TMEM74: variants seen among roughly 807,000 people sequenced by gnomAD.
TMEM74 encodes the protein transmembrane protein 74.
Under a neutral mutation model 18.1 loss-of-function variants are expected in TMEM74, and 13 were observed. The observed-to-expected ratio is 0.72, with a 90% CI of 0.47 to 1.14. The LOEUF (loss-of-function observed/expected upper bound fraction) is 1.14, where lower values mean the gene tolerates loss of function less well. Among genes scored for constraint, TMEM74 ranks in the 50% most tolerant of loss-of-function variants. The probability of loss-of-function intolerance (pLI) is 0.00; values close to 1 mark genes in which losing one functional copy is unlikely to be tolerated. For synonymous variants in TMEM74, 159 were observed against 146.6 expected, an observed-to-expected ratio of 1.08 and a Z score of -0.61; for missense variants, 372 against 375.9, an observed-to-expected ratio of 0.99 and a Z score of 0.09.
intron 1 of TMEM74, among the ~76,000 whole-genome samples, chr8:108,678,706 T>TA (rs1813081060): frequency 6.6e-6 from 1 of 151,070 alleles, no homozygotes; most frequent in Admixed American, 6.6e-5. Context: ...TTTATTGCTT[T>TA]ATAAGATTTA....
At chr8:108,683,324 AAAAAT>A in intron 1 of TMEM74, among the ~76,000 whole-genome samples, 1 of 151,804 alleles carries the variant, frequency 6.6e-6, no homozygotes, top group South Asian at 2.1e-4. Context: ...AAATAAAAGA[AAAAAT>A]AAGAGGAAAC....
intron 1 of TMEM74, among the ~76,000 whole-genome samples, chr8:108,722,486 G>A (rs949600899): frequency 6.6e-6 from 1 of 152,196 alleles, no homozygotes; most frequent in African/African-American, 2.4e-5. Flanking sequence ...AATGGAAAGA[G>A]CGTAGGCTTA....
chr8:108,653,138 C>G (rs150664087), intron 2 of TMEM74: 2 of 163,230 alleles, frequency 1.2e-5, no homozygotes, highest in African/African-American at 4.8e-5. Flanking sequence ...GGACAGCCCA[C>G]TTGTCTGTCA....
intron 1 of TMEM74, among the ~76,000 whole-genome samples, chr8:108,713,589 T>C (rs1387220685): frequency 2.6e-5 from 4 of 152,124 alleles, no homozygotes; most frequent in Admixed American, 6.5e-5. Flanking sequence ...ATTCACAAAA[T>C]ACACATTAAA....
intron 1 of TMEM74, among the ~76,000 whole-genome samples, chr8:108,756,015 A>G (rs186027082): frequency 1.3e-5 from 2 of 152,156 alleles, no homozygotes; most frequent in East Asian, 3.9e-4. Flanking sequence ...TTTTAATCAC[A>G]TGCAAGCATC....
chr8:108,711,127 T>C (rs7007167), intron 1 of TMEM74, among the ~76,000 whole-genome samples: 3,637 of 152,302 alleles, frequency 0.024, 150 homozygotes, highest in African/African-American at 0.082. Flanking sequence ...TACTCTATGC[T>C]GGAAGTTGAG....
chr8:108,621,585 G>A (rs1208642935), intron 2 of TMEM74, among the ~76,000 whole-genome samples: 1 of 152,122 alleles, frequency 6.6e-6, no homozygotes, highest in African/African-American at 2.4e-5. Context: ...GTTCTATGAT[G>A]GGAGACTTGA....
chr8:108,702,898 A>G (rs1027003379), intron 1 of TMEM74, among the ~76,000 whole-genome samples: 2 of 151,684 alleles, frequency 1.3e-5, no homozygotes, highest in African/African-American at 4.8e-5. Context: ...AAACTCAGGT[A>G]ATAAACAGTG....
chr8:108,729,168 G>C (rs1474088511), intron 1 of TMEM74, among the ~76,000 whole-genome samples: 1 of 152,160 alleles, frequency 6.6e-6, no homozygotes, highest in Non-Finnish European at 1.5e-5. Flanking sequence ...CTACTCTTGG[G>C]CTCCTTCATG....
intron 1 of TMEM74, among the ~76,000 whole-genome samples, chr8:108,770,467 A>T (rs1814159395): frequency 1.3e-5 from 2 of 152,156 alleles, no homozygotes; most frequent in African/African-American, 4.8e-5. Context: ...ACTCATAAAA[A>T]CCCCAAAAGA....
At chr8:108,624,462 A>G (rs1812473640) in intron 2 of TMEM74, among the ~76,000 whole-genome samples, 1 of 152,092 alleles carries the variant, frequency 6.6e-6, no homozygotes, top group South Asian at 2.1e-4. Context: ...TGTCTGTAGA[A>G]CACCTCAAGA....
chr8:108,709,797 T>A (rs918534813), intron 1 of TMEM74, among the ~76,000 whole-genome samples: 1 of 152,194 alleles, frequency 6.6e-6, no homozygotes, highest in African/African-American at 2.4e-5. Context: ...GATGTGGTGA[T>A]GGTATATTGT....
In TMEM74 at chr8:108,616,538, A is replaced by G. The variant is rs77189576; in HGVS notation, n.265-7712T>C. 4.1e-3 allele frequency among the ~76,000 whole-genome samples: 631 copies of G among 152,326 alleles called. 3 individuals carry two copies. Among genetic ancestry groups the G allele is most frequent in the Non-Finnish European group, 6.1e-3 (412 of 68,032 alleles). On this transcript the variant is annotated intron_variant and non_coding_transcript_variant, in intron 2 of 3. Transcript: ENST00000518838. ...TAAATAGGCAATTCTGATATATAAAATAGGGCAAGAATTATTTTATTATTT... is the reference window on the plus strand; with the variant it reads ...TAAATAGGCAATTCTGATATATAAAGTAGGGCAAGAATTATTTTATTATTT...
intron 1 of TMEM74, among the ~76,000 whole-genome samples, chr8:108,708,542 T>C (rs1205451607): frequency 6.6e-6 from 1 of 152,108 alleles, no homozygotes; most frequent in African/African-American, 2.4e-5. Context: ...TTTTTTTGAC[T>C]TTTAAAATGA....
intron 1 of TMEM74, among the ~76,000 whole-genome samples, chr8:108,713,013 A>G (rs538176949): frequency 6.6e-6 from 1 of 152,284 alleles, no homozygotes; most frequent in Admixed American, 6.5e-5. Flanking sequence ...TGCACACAGA[A>G]AAAAATATGT....
At chr8:108,770,484 AG>A in intron 1 of TMEM74, among the ~76,000 whole-genome samples, 1 of 152,210 alleles carries the variant, frequency 6.6e-6, no homozygotes, top group Non-Finnish European at 1.5e-5. Flanking sequence ...AAGAAAAGGA[AG>A]GAAAATGGAT....
chr8:108,649,864 G>C (rs1243599527), intron 2 of TMEM74, among the ~76,000 whole-genome samples: 1 of 152,170 alleles, frequency 6.6e-6, no homozygotes, highest in South Asian at 2.1e-4. Context: ...CACTAAATGC[G>C]GGTTAACAGC....
At chr8:108,705,439 T>C (rs1813387683) in intron 1 of TMEM74, among the ~76,000 whole-genome samples, 1 of 152,220 alleles carries the variant, frequency 6.6e-6, no homozygotes, top group African/African-American at 2.4e-5. Flanking sequence ...AGTCATTTAA[T>C]CCCAAGTCTC....
chr8:108,761,102 C>A (rs1814038594), intron 1 of TMEM74, among the ~76,000 whole-genome samples: 1 of 152,020 alleles, frequency 6.6e-6, no homozygotes, highest in South Asian at 2.1e-4. Flanking sequence ...ATTCGTTCAT[C>A]AATTCGTTCC....
Sources: gnomAD v4.1 joint callset for allele counts (sites outside exome capture counted in the v4.1 genomes callset) on GRCh38, gnomAD v4.1.1 for gene constraint, MANE v1.5 for transcripts, NCBI Gene and HGNC (gene_info 2026-07-23, HGNC 2026-07-21) for gene names.